RFK: variants seen among roughly 807,000 people sequenced by gnomAD.
The protein encoded by RFK is riboflavin kinase.
RFK carries 4 observed loss-of-function variants against 17.6 expected under a neutral mutation model. The observed-to-expected ratio is 0.23, with a 90% confidence interval of 0.11 to 0.52. RFK has a LOEUF of 0.52. RFK is among the 20% of genes least tolerant of loss of function. RFK has a pLI of 0.96. For missense variants in RFK, 189 were observed against 187.7 expected (o/e 1.01, Z -0.04); for synonymous variants, 59 against 63.8 (o/e 0.92, Z 0.36).
intron 1 of RFK, among the ~76,000 whole-genome samples, chr9:76,392,894 ATT>A: frequency 6.6e-6 from 1 of 152,320 alleles, no homozygotes; most frequent in East Asian, 1.9e-4. Flanking sequence ...GCAGAGCCAG[ATT>A]CTGTCTCAAA....
At chr9:76,387,665 T>C in intron 3 of RFK, 136 bp from the exon 4 acceptor site, 4 of 754,410 alleles carry the variant, frequency 5.3e-6, no homozygotes, top group Non-Finnish European at 8.5e-6. Context: ...TAAATGTTTG[T>C]TCCATCACTC....
Position 76,387,231 on chromosome 9 carries a change from CTTAAT to C in RFK, c.*163_*167del, listed in dbSNP as rs1372488857. 5 of 580,310 alleles carry C rather than the reference CTTAAT, an allele frequency of 8.6e-6. No homozygotes were observed. Among genetic ancestry groups the C allele is most frequent in the Non-Finnish European group, 1.5e-5 (5 of 334,150 alleles). The allele number at this position is 580,310 out of a possible 1,614,324, so 35.9% of individuals were successfully genotyped here. A position where few individuals can be genotyped will look rare whatever the true frequency, so the allele number is the denominator to read the frequency against. On this transcript the variant is annotated 3_prime_UTR_variant, in exon 4 of 4. Transcript: ENST00000376736. ...CTTTTTAGTGCTATGATATGATGGG[CTTAAT>C]TTAATAGTTGAAGCATGATATGATA... is the stretch of plus-strand genomic sequence containing the variant.
chr9:76,387,415 AT>A lies in RFK; in HGVS notation c.451del (p.Ile151Ter). The A allele has an allele frequency of 1.2e-6, 2 of 1,607,944 alleles. No individual in the cohort carries two copies. Among genetic ancestry groups the A allele is most frequent in the Non-Finnish European group, 1.7e-6 (2 of 1,177,716 alleles). ...DNFFQVSKSK[I>X]MNGH The stretch of plus-strand genomic sequence containing the variant: ...AATTTTTCATCAGTGGCCATTCATT[AT>A]TTTGCTTTTAGAAACCTGGAAGAAA... On this transcript the variant is annotated frameshift_variant, in exon 4 of 4. Transcript: ENST00000376736. LOFTEE classifies it high-confidence loss of function.
chr9:76,393,083 T>C (rs911048098), intron 1 of RFK, among the ~76,000 whole-genome samples: 2 of 152,138 alleles, frequency 1.3e-5, no homozygotes, highest in African/African-American at 4.8e-5. Flanking sequence ...CAGGTAAGTA[T>C]ATAAAGCTCT....
Position 76,387,414 on chromosome 9 carries a change from T to G in RFK, c.453A>C (p.Ile151=). The change falls in exon 4 of 4, where the codon ATA becomes ATC. Residue 151 remains isoleucine, a synonymous_variant. Transcript: ENST00000376736. ...DNFFQVSKSK[I]MNGH Reference sequence around the variant, plus strand: ...CAATTTTTCATCAGTGGCCATTCATTATTTTGCTTTTAGAAACCTGGAAGA... The same window carrying G: ...CAATTTTTCATCAGTGGCCATTCATGATTTTGCTTTTAGAAACCTGGAAGA... 4 of 1,607,880 alleles carry G rather than the reference T, an allele frequency of 2.5e-6. No homozygotes were observed. The highest frequency in any genetic ancestry group is 2.5e-6 in the Non-Finnish European group (3 of 1,177,636).
intron 1 of RFK, 126 bp downstream of exon 1, chr9:76,393,964 G>T (rs1403740445): frequency 2.5e-6 from 2 of 802,518 alleles, no homozygotes; most frequent in Admixed American, 2.8e-5. Context: ...GGATGCGGGA[G>T]GAGGAAGGGT....
rs1012328100 is a variant in RFK, at chr9:76,387,179, T to C, written c.*220A>G. 7.3e-6 allele frequency: 3 copies of C among 413,422 alleles called. No homozygotes were observed. The highest frequency in any genetic ancestry group is 4.0e-5 in the African/African-American group (2 of 50,334). 25.6% of individuals were successfully genotyped at this position (413,422 alleles called of 1,614,324 possible). ...AGTGGTACATTTTAATCAATATATA[T>C]TTTTTAAATCTTATTTTTAACTCAA... On this transcript the variant is annotated 3_prime_UTR_variant, in exon 4 of 4. Transcript: ENST00000376736.
chr9:76,388,768 T>C, intron 2 of RFK, 112 bp from the exon 3 acceptor site: 1 of 613,996 alleles, frequency 1.6e-6, no homozygotes, highest in Non-Finnish European at 2.8e-6. Context: ...CAACACTCCT[T>C]AAACTTTTAA....
chr9:76,391,072 T>C (rs75553013), intron 2 of RFK, among the ~76,000 whole-genome samples: 1 of 152,208 alleles, frequency 6.6e-6, no homozygotes, highest in African/African-American at 2.4e-5. Flanking sequence ...CTTCTTTTCC[T>C]TCCTCATTCA....
intron 1 of RFK, among the ~76,000 whole-genome samples, chr9:76,393,236 T>TCA (rs1015107826): frequency 6.7e-6 from 1 of 149,882 alleles, no homozygotes; most frequent in African/African-American, 2.5e-5. Context: ...AGACGGTGTC[T>TCA]CACTCTGTCG....
chr9:76,385,548 T>G lies in RFK; in HGVS notation c.*1851A>C, dbSNP rs1410628057. On this transcript the variant is annotated 3_prime_UTR_variant, in exon 4 of 4. Coordinates refer to ENST00000376736, the MANE Select transcript of RFK (RefSeq NM_018339.6). ...AAATATCACTTAGTCAAAATTTATT[T>G]CAAGGCCTGAAAACATTCAGACTAA... 2 of 152,214 alleles carry G rather than the reference T, an allele frequency of 1.3e-5. No individual in the cohort carries two copies. The highest frequency in any genetic ancestry group is 2.9e-5 in the Non-Finnish European group (2 of 68,034). 9.4% of individuals were successfully genotyped at this position (152,214 alleles called of 1,614,324 possible). A position where few individuals can be genotyped will look rare whatever the true frequency, so the allele number is the denominator to read the frequency against.
chr9:76,391,778 AG>A (rs1353737396), intron 2 of RFK, among the ~76,000 whole-genome samples: 2 of 152,186 alleles, frequency 1.3e-5, no homozygotes, highest in African/African-American at 4.8e-5. Flanking sequence ...ATGTAATCTG[AG>A]CCAGATGCAG....
Position 76,387,373 on chromosome 9 carries a change from GA to G in RFK, c.*25del, listed in dbSNP as rs1246981498. 6.3e-7 allele frequency: 1 copy of G among 1,589,454 alleles called. No homozygotes were observed. Among genetic ancestry groups the G allele is most frequent in the Admixed American group, 1.7e-5 (1 of 59,142 alleles). On this transcript the variant is annotated 3_prime_UTR_variant, in exon 4 of 4. Transcript: ENST00000376736. ...AAACACAGAAACACTAGAAAACAGT[GA>G]ATGAATAAATAATACAATTTTTCAT...
chr9:76,392,510 A>T lies in RFK; in HGVS notation c.142T>A (p.Tyr48Asn). The T allele has an allele frequency of 1.2e-6, 2 of 1,614,160 alleles. No individual in the cohort carries two copies. Among genetic ancestry groups the T allele is most frequent in the Non-Finnish European group, 1.7e-6 (2 of 1,179,972 alleles). Residue 48 changes from tyrosine to asparagine, a missense_variant, in exon 2 of 4, where the codon TAT (tyrosine) becomes AAT (asparagine). Coordinates refer to ENST00000376736, the MANE Select transcript of RFK (RefSeq NM_018339.6). ...CCACTTCCAACACTGGCCCAACCAT[A>T]GTAAATACCAGTGGATATATCAGCT... ...LPADISTGIYYGWASVGSGDV... is the reference protein window; with the variant it reads ...LPADISTGIYNGWASVGSGDV...
At chr9:76,388,324 C>A in intron 3 of RFK, 1 of 619,946 alleles carries the variant, frequency 1.6e-6, no homozygotes, top group Non-Finnish European at 3.0e-6. Flanking sequence ...TACTATGTGA[C>A]TTTGAGAATG....
chr9:76,393,908 G>T, intron 1 of RFK, 182 bp downstream of exon 1: 1 of 594,260 alleles, frequency 1.7e-6, no homozygotes, highest in Non-Finnish European at 2.9e-6. Flanking sequence ...CAGAAGCAGG[G>T]ACAAGCTCCC....
chr9:76,394,212 G>T lies in RFK; in HGVS notation c.-41C>A. ...GGGAATGGGCTGCGGCCCGGTCTGC[G>T]CGTCCTGCGGAGCCGCCGTCGACGC... is the stretch of plus-strand genomic sequence containing the variant. On this transcript the variant is annotated 5_prime_UTR_variant, in exon 1 of 4. Transcript: ENST00000376736. The T allele has an allele frequency of 1.3e-6, 2 of 1,547,892 alleles. No homozygotes were observed. The highest frequency in any genetic ancestry group is 1.7e-6 in the Non-Finnish European group (2 of 1,146,906).
In RFK at chr9:76,386,707, G is replaced by A. The variant is rs1438271932; in HGVS notation, c.*692C>T. On this transcript the variant is annotated 3_prime_UTR_variant, in exon 4 of 4. Coordinates refer to ENST00000376736, the MANE Select transcript of RFK (RefSeq NM_018339.6). ...TGAAGCAGCTCTATACAATAATGAAGGTGGTACAATGATGTGACTGCAAAG... is the reference window on the plus strand; with the variant it reads ...TGAAGCAGCTCTATACAATAATGAAAGTGGTACAATGATGTGACTGCAAAG... The A allele has an allele frequency of 6.6e-6, 1 of 152,152 alleles. No homozygotes were observed. The highest frequency in any genetic ancestry group is 1.5e-5 in the Non-Finnish European group (1 of 68,028). 9.4% of individuals were successfully genotyped at this position (152,152 alleles called of 1,614,324 possible).
intron 1 of RFK, chr9:76,393,795 T>G: frequency 2.2e-6 from 1 of 459,062 alleles, no homozygotes. Context: ...CTTGACCAAC[T>G]GTACCTTGGC....
Sources: allele counts gnomAD v4.1 joint callset (sites outside exome capture counted in the v4.1 genomes callset), GRCh38; gene constraint gnomAD v4.1.1; transcripts MANE v1.5; gene names NCBI Gene and HGNC (gene_info 2026-07-23, HGNC 2026-07-21).